FLRT2: variants seen among roughly 807,000 people sequenced by gnomAD.
FLRT2 encodes leucine-rich repeat transmembrane protein FLRT2.
FLRT2 carries 15 observed loss-of-function variants against 40.0 expected under a neutral mutation model. The ratio of observed to expected loss-of-function variants is 0.38; its 90% CI spans 0.25 to 0.58. FLRT2 has a LOEUF of 0.58. Ranked by LOEUF, FLRT2 falls within the 20% of genes least tolerant of loss-of-function variation. FLRT2 has a pLI of 0.71. For synonymous variants in FLRT2, 380 were observed against 336.8 expected, an observed-to-expected ratio of 1.13 and a Z score of -1.41; for missense variants, 726 against 840.0, an observed-to-expected ratio of 0.86 and a Z score of 1.68.
Position 85,635,017 on chromosome 14 carries a change from T to C in FLRT2, c.*11520T>C, listed in dbSNP as rs1396310375. The stretch of plus-strand genomic sequence containing the variant: ...TGTGTGCTTTTAAAATTCAGGAAGA[T>C]GTGACTAGGATAGATAAAGCAAACA... On this transcript the variant is annotated 3_prime_UTR_variant, in exon 2 of 2. Transcript: ENST00000330753. 6.6e-6 allele frequency: 1 copy of C among 152,198 alleles called. No individual in the cohort carries two copies. Among genetic ancestry groups the C allele is most frequent in the Non-Finnish European group, 1.5e-5 (1 of 68,026 alleles). The allele number at this position is 152,198 out of a possible 1,614,324, so 9.4% of individuals were successfully genotyped here.
Position 85,639,945 on chromosome 14 carries a change from T to G in FLRT2, c.*16448T>G, listed in dbSNP as rs1389200311. The G allele has an allele frequency of 1.4e-5, 2 of 148,058 alleles. No homozygotes were observed. Among genetic ancestry groups the G allele is most frequent in the African/African-American group, 5.0e-5 (2 of 39,884 alleles). 9.2% of individuals were successfully genotyped at this position (148,058 alleles called of 1,614,324 possible). A position where few individuals can be genotyped will look rare whatever the true frequency, so the allele number is the denominator to read the frequency against. ...CTCACTGCAAGCTCCGCCTTCCGAG[T>G]TCACACCATTCTCCTGCCTCAGTCT... is the stretch of plus-strand genomic sequence containing the variant. On this transcript the variant is annotated 3_prime_UTR_variant, in exon 2 of 2. Transcript: ENST00000330753.
Position 85,629,939 on chromosome 14 carries a change from T to C in FLRT2, c.*6442T>C, listed in dbSNP as rs1192106528. The C allele has an allele frequency of 6.6e-6, 1 of 152,210 alleles. No homozygotes were observed. Among genetic ancestry groups the C allele is most frequent in the African/African-American group, 2.4e-5 (1 of 41,458 alleles). The allele number at this position is 152,210 out of a possible 1,614,324, so 9.4% of individuals were successfully genotyped here. ...GAAGGTTTCAGATGGAATCAAGATATGTCTGTACCCATAGGGTGAGCTGAA... is the reference window on the plus strand; with the variant it reads ...GAAGGTTTCAGATGGAATCAAGATACGTCTGTACCCATAGGGTGAGCTGAA... On this transcript the variant is annotated 3_prime_UTR_variant, in exon 2 of 2. Transcript: ENST00000330753.
chr14:85,578,654 A>T lies in FLRT2; in HGVS notation c.-376-42485A>T, dbSNP rs527493087. Among the ~76,000 whole-genome samples the T allele has an allele frequency of 1.8e-3, 276 of 152,298 alleles. 1 individual carries two copies. The highest frequency in any genetic ancestry group is 2.5e-3 in the Non-Finnish European group (170 of 68,034). ...ATCGTGGGGAGATACGGGTTGAGTG[A>T]TATAATAAACCTCTTTTAAGGAACT... On this transcript the variant is annotated intron_variant, in intron 1 of 1. Transcript: ENST00000330753.
chr14:85,644,777 C>G lies in FLRT2; in HGVS notation c.*21280C>G, dbSNP rs1297620132. On this transcript the variant is annotated 3_prime_UTR_variant, in exon 2 of 2. Coordinates refer to ENST00000330753, the MANE Select transcript of FLRT2 (RefSeq NM_013231.6). ...TTGTTGCTGAGGAAGAGTAGACTCTCTAGCTTTTCCAGGCTGTGGTCCAGG... is the reference window on the plus strand; with the variant it reads ...TTGTTGCTGAGGAAGAGTAGACTCTGTAGCTTTTCCAGGCTGTGGTCCAGG... 1 of 152,148 alleles carries G rather than the reference C, an allele frequency of 6.6e-6. No individual in the cohort carries two copies. 9.4% of individuals were successfully genotyped at this position (152,148 alleles called of 1,614,324 possible).
At chr14:85,532,151 C>G (rs1245902813) in intron 1 of FLRT2, among the ~76,000 whole-genome samples, 1 of 152,242 alleles carries the variant, frequency 6.6e-6, no homozygotes, top group East Asian at 1.9e-4. Flanking sequence ...CCTGTGGCGG[C>G]CACTGCCCCA....
chr14:85,627,459 CAA>C lies in FLRT2; in HGVS notation c.*3965_*3966del, dbSNP rs1032252032. The C allele has an allele frequency of 1.8e-4, 30 of 167,002 alleles. No individual in the cohort carries two copies. The highest frequency in any genetic ancestry group is 6.5e-4 in the African/African-American group (27 of 41,428). The allele number at this position is 167,002 out of a possible 1,614,324, so 10.3% of individuals were successfully genotyped here. ...TATATGTCTGATACCGTTGTTATAA[CAA>C]AACAAATTTTTTTACTATAGTTTTT... On this transcript the variant is annotated 3_prime_UTR_variant, in exon 2 of 2. Transcript: ENST00000330753.
intron 1 of FLRT2, among the ~76,000 whole-genome samples, chr14:85,619,479 AT>A (rs943635631): frequency 1.3e-5 from 2 of 152,092 alleles, no homozygotes; most frequent in African/African-American, 4.8e-5. Flanking sequence ...TTCCGAAACA[AT>A]AAAAAATGAG....
At chr14:85,591,717 A>G (rs932182447) in intron 1 of FLRT2, among the ~76,000 whole-genome samples, 3 of 152,218 alleles carry the variant, frequency 2.0e-5, no homozygotes, top group Admixed American at 2.0e-4. Flanking sequence ...TGCTTTTGCC[A>G]ATTAGTACAT....
intron 1 of FLRT2, among the ~76,000 whole-genome samples, chr14:85,618,588 C>A (rs1350039800): frequency 6.6e-6 from 1 of 152,122 alleles, no homozygotes; most frequent in African/African-American, 2.4e-5. Flanking sequence ...TTGCACTGCT[C>A]CACCCAGAAG....
chr14:85,645,681 A>C lies in FLRT2; in HGVS notation c.*22184A>C, dbSNP rs1015088519. On this transcript the variant is annotated 3_prime_UTR_variant, in exon 2 of 2. Transcript: ENST00000330753. Reference sequence around the variant, plus strand: ...TTTCAGAAGATCTTCCTAGTTGAGGAATCTTTCAGAGATTCAGTAGATAAG... The same window carrying C: ...TTTCAGAAGATCTTCCTAGTTGAGGCATCTTTCAGAGATTCAGTAGATAAG... 8 of 152,186 alleles carry C rather than the reference A, an allele frequency of 5.3e-5. No individual in the cohort carries two copies. Among genetic ancestry groups the C allele is most frequent in the African/African-American group, 1.9e-4 (8 of 41,450 alleles). The allele number at this position is 152,186 out of a possible 1,614,324, so 9.4% of individuals were successfully genotyped here.
At chr14:85,577,787 C>G (rs544880749) in intron 1 of FLRT2, among the ~76,000 whole-genome samples, 32 of 151,892 alleles carry the variant, frequency 2.1e-4, no homozygotes, top group Non-Finnish European at 3.7e-4. Context: ...CACAGTGTTG[C>G]CCAGGCTGGC....
At chr14:85,553,702 A>C (rs577353061) in intron 1 of FLRT2, among the ~76,000 whole-genome samples, 2 of 152,164 alleles carry the variant, frequency 1.3e-5, no homozygotes, top group Non-Finnish European at 2.9e-5. Context: ...GAAAGGAAAA[A>C]TTGAGGGAGA....
In FLRT2 at chr14:85,652,370, T is replaced by C. The variant is rs2139412514; in HGVS notation, c.*28873T>C. On this transcript the variant is annotated 3_prime_UTR_variant, in exon 2 of 2. Coordinates refer to ENST00000330753, the MANE Select transcript of FLRT2 (RefSeq NM_013231.6). ...TCTATTTCTTATGACATGCTTCCTTTTCATTGAGGAATACCCAAGATACCA... is the reference window on the plus strand; with the variant it reads ...TCTATTTCTTATGACATGCTTCCTTCTCATTGAGGAATACCCAAGATACCA... 6.6e-6 allele frequency: 1 copy of C among 152,266 alleles called. No individual in the cohort carries two copies. Among genetic ancestry groups the C allele is most frequent in the Admixed American group, 6.5e-5 (1 of 15,284 alleles). 9.4% of individuals were successfully genotyped at this position (152,266 alleles called of 1,614,324 possible).
chr14:85,558,153 G>C (rs1169567727), intron 1 of FLRT2, among the ~76,000 whole-genome samples: 1 of 152,028 alleles, frequency 6.6e-6, no homozygotes, highest in Non-Finnish European at 1.5e-5. Context: ...GTTTGCCCTT[G>C]GAATATATGT....
intron 1 of FLRT2, among the ~76,000 whole-genome samples, chr14:85,587,207 T>C (rs1856784821): frequency 6.6e-6 from 1 of 151,710 alleles, no homozygotes; most frequent in Non-Finnish European, 1.5e-5. Flanking sequence ...TACATTCTTT[T>C]AGTATTTCAG....
At position 85,624,992 on chromosome 14, in the gene FLRT2, C is replaced by T. The variant is rs1893610986; in HGVS notation, c.*1495C>T. 1 of 166,970 alleles carries T rather than the reference C, an allele frequency of 6.0e-6. No homozygotes were observed. The allele number at this position is 166,970 out of a possible 1,614,324, so 10.3% of individuals were successfully genotyped here. A position where few individuals can be genotyped will look rare whatever the true frequency, so the allele number is the denominator to read the frequency against. On this transcript the variant is annotated 3_prime_UTR_variant, in exon 2 of 2. Transcript: ENST00000330753. ...AATCAATCTTATGTTAGCAGGACAA[C>T]CCATGAAAAACAAGTCAGAGAGTGA...
intron 1 of FLRT2, among the ~76,000 whole-genome samples, chr14:85,619,644 C>A (rs796171986): frequency 2.0e-5 from 3 of 152,128 alleles, no homozygotes; most frequent in African/African-American, 7.2e-5. Context: ...GCTAAGAGAA[C>A]AATTTCAAAT....
chr14:85,653,356 A>T lies in FLRT2; in HGVS notation c.*29859A>T, dbSNP rs7146903. ...GCCATCAATGGGATGCAATTTGGCTAGTCACACCTGGGTGACCAATATCCG... is the reference window on the plus strand; with the variant it reads ...GCCATCAATGGGATGCAATTTGGCTTGTCACACCTGGGTGACCAATATCCG... On this transcript the variant is annotated 3_prime_UTR_variant, in exon 2 of 2. Transcript: ENST00000330753. 2.0e-5 allele frequency: 3 copies of T among 152,244 alleles called. No individual in the cohort carries two copies. Among genetic ancestry groups the T allele is most frequent in the African/African-American group, 7.2e-5 (3 of 41,534 alleles). The allele number at this position is 152,244 out of a possible 1,614,324, so 9.4% of individuals were successfully genotyped here. A position where few individuals can be genotyped will look rare whatever the true frequency, so the allele number is the denominator to read the frequency against.
In FLRT2 at chr14:85,623,501, C is replaced by T; in HGVS notation, c.*4C>T. The stretch of plus-strand genomic sequence containing the variant: ...CCTGGAGCACTGCCATACGTGACAG[C>T]CAGAGGCCCAGCGTTATCAAGGCGG... On this transcript the variant is annotated 3_prime_UTR_variant, in exon 2 of 2. Transcript: ENST00000330753. 1 of 1,425,782 alleles carries T rather than the reference C, an allele frequency of 7.0e-7. No individual in the cohort carries two copies. The allele number at this position is 1,425,782 out of a possible 1,614,324, so 88.3% of individuals were successfully genotyped here. A position where few individuals can be genotyped will look rare whatever the true frequency, so the allele number is the denominator to read the frequency against.
Sources: gnomAD v4.1 joint callset for allele counts (sites outside exome capture counted in the v4.1 genomes callset) on GRCh38, gnomAD v4.1.1 for gene constraint, MANE v1.5 for transcripts, NCBI Gene and HGNC (gene_info 2026-07-23, HGNC 2026-07-21) for gene names.